The following PTPRD variants were observed in gnomAD, a reference collection of about 807,000 sequenced individuals.
PTPRD encodes the protein protein tyrosine phosphatase receptor type D.
A neutral mutation model predicts 214.5 loss-of-function variants in PTPRD; 34 were observed. The observed-to-expected ratio is 0.16, with a 90% CI of 0.12 to 0.21. The LOEUF (loss-of-function observed/expected upper bound fraction) is 0.21. Ranked by LOEUF, PTPRD falls within the 10% of genes least tolerant of loss-of-function variation. The probability of loss-of-function intolerance (pLI) is 1.00; values close to 1 mark genes in which losing one functional copy is unlikely to be tolerated. For synonymous variants in PTPRD, 1,128 were observed against 845.7 expected (o/e 1.33, Z -5.79); for missense variants, 2,545 against 2,398.7 (o/e 1.06, Z -1.27).
chr9:10,253,659 A>T (rs1428561460), intron 3 of PTPRD, among the ~76,000 whole-genome samples: 1 of 152,180 alleles, frequency 6.6e-6, no homozygotes, highest in Admixed American at 6.5e-5. Context: ...AAGGAAGAAA[A>T]ATCTCTCAGA....
chr9:8,351,406 C>A (rs2075404207), intron 39 of PTPRD, among the ~76,000 whole-genome samples: 1 of 147,258 alleles, frequency 6.8e-6, no homozygotes, highest in South Asian at 2.2e-4. Context: ...TTTTTTGTAG[C>A]TTTTTTTTTT....
chr9:9,751,290 T>C (rs1163459483), intron 6 of PTPRD, among the ~76,000 whole-genome samples: 1 of 152,142 alleles, frequency 6.6e-6, no homozygotes, highest in East Asian at 1.9e-4. Flanking sequence ...TTTAAATCAC[T>C]GCTCAAAGCT....
Position 9,550,381 on chromosome 9 carries a change from TTCTC to T in PTPRD, c.-237+24347_-237+24350del, listed in dbSNP as rs201154719. ...ATATATATTTCTCATATACATATAG[TTCTC>T]TCTCTATATATATGAAATGTATAAT... On this transcript the variant is annotated intron_variant, in intron 8 of 45. Coordinates refer to ENST00000381196, the MANE Select transcript of PTPRD (RefSeq NM_002839.4). 2.7e-5 allele frequency among the ~76,000 whole-genome samples: 4 copies of T among 149,022 alleles called. No homozygotes were observed. The East Asian group carries it at 7.8e-4, about 29-fold the overall frequency.
intron 8 of PTPRD, among the ~76,000 whole-genome samples, chr9:9,481,764 A>T (rs897465124): frequency 5.9e-5 from 9 of 152,122 alleles, no homozygotes; most frequent in African/African-American, 2.2e-4. Flanking sequence ...CCTAGTCAAT[A>T]GAAGAGGGCT....
At chr9:9,207,773 T>C (rs1309300988) in intron 9 of PTPRD, among the ~76,000 whole-genome samples, 1 of 152,058 alleles carries the variant, frequency 6.6e-6, no homozygotes, top group African/African-American at 2.4e-5. Context: ...AATGTAAGAC[T>C]ATTTGTCATA....
intron 11 of PTPRD, among the ~76,000 whole-genome samples, chr9:8,762,964 T>C (rs768329614): frequency 8.5e-5 from 13 of 152,244 alleles, no homozygotes; most frequent in Non-Finnish European, 1.3e-4. Flanking sequence ...GACACTGAAA[T>C]GCCCAGGCCA....
intron 7 of PTPRD, among the ~76,000 whole-genome samples, chr9:9,678,501 T>G (rs1338164195): frequency 6.6e-6 from 1 of 151,790 alleles, no homozygotes; most frequent in East Asian, 1.9e-4. Flanking sequence ...TTTTAAGAGC[T>G]CCTAGAAAAC....
intron 11 of PTPRD, among the ~76,000 whole-genome samples, chr9:8,838,723 TA>T (rs1022026511): frequency 6.6e-6 from 1 of 152,090 alleles, no homozygotes; most frequent in African/African-American, 2.4e-5. Context: ...AGGATAAAAA[TA>T]AATATAATGA....
chr9:10,260,964 ATATATATATGTGTG>A (rs2093651942), intron 3 of PTPRD, among the ~76,000 whole-genome samples: 1 of 147,270 alleles, frequency 6.8e-6, no homozygotes. Context: ...GTGTGTGTGT[ATATATATATGTGTG>A]TATATATATG....
intron 5 of PTPRD, among the ~76,000 whole-genome samples, chr9:9,850,367 T>G (rs2060317083): frequency 6.6e-6 from 1 of 152,086 alleles, no homozygotes; most frequent in African/African-American, 2.4e-5. Context: ...TTCTTGTTAT[T>G]ATTAGTAGTA....
chr9:9,213,962 T>C (rs567309997), intron 9 of PTPRD, among the ~76,000 whole-genome samples: 2,684 of 152,098 alleles, frequency 0.018, 29 homozygotes, highest in Non-Finnish European at 0.027. Context: ...CTTCATCTTC[T>C]TTTTTTTCTT....
intron 4 of PTPRD, among the ~76,000 whole-genome samples, chr9:9,975,305 C>T (rs1003110104): frequency 1.3e-5 from 2 of 152,206 alleles, no homozygotes; most frequent in Non-Finnish European, 2.9e-5. Context: ...ACCAACCCTT[C>T]GTATAGTTTC....
chr9:9,834,581 C>T (rs1010464245), intron 5 of PTPRD, among the ~76,000 whole-genome samples: 3 of 152,040 alleles, frequency 2.0e-5, no homozygotes, highest in Admixed American at 6.6e-5. Context: ...GATTATTTTA[C>T]TGGTCCATCA....
intron 2 of PTPRD, among the ~76,000 whole-genome samples, chr9:10,502,203 T>C (rs1244973251): frequency 1.3e-5 from 2 of 151,650 alleles, no homozygotes. Flanking sequence ...GGAAAACCTA[T>C]TAAAAAGATG....
intron 4 of PTPRD, among the ~76,000 whole-genome samples, chr9:9,944,782 G>C (rs2092304243): frequency 6.6e-6 from 1 of 152,004 alleles, no homozygotes; most frequent in Admixed American, 6.6e-5. Context: ...ATCTAAATTT[G>C]AGTAAGTTAT....
intron 3 of PTPRD, among the ~76,000 whole-genome samples, chr9:10,049,667 T>A (rs1328108100): frequency 2.6e-5 from 4 of 152,218 alleles, no homozygotes; most frequent in Non-Finnish European, 5.9e-5. Context: ...CTGCAGTTTA[T>A]AAGAATCTTC....
chr9:9,340,810 T>C (rs2802287), intron 9 of PTPRD, among the ~76,000 whole-genome samples: 9,376 of 152,248 alleles, frequency 0.062, 942 homozygotes, highest in African/African-American at 0.21. Context: ...ATAAATTTCA[T>C]TGACAAATAA....
chr9:9,382,180 G>C (rs1428088213), intron 9 of PTPRD, among the ~76,000 whole-genome samples: 1 of 151,698 alleles, frequency 6.6e-6, no homozygotes, highest in African/African-American at 2.4e-5. Flanking sequence ...CTTTTTGAAT[G>C]ATTCATTCTT....
intron 10 of PTPRD, among the ~76,000 whole-genome samples, chr9:9,036,179 G>A (rs1386576561): frequency 1.3e-5 from 2 of 149,032 alleles, no homozygotes; most frequent in South Asian, 2.1e-4. Flanking sequence ...GGATAGGATT[G>A]CCCTCCTCAT....
Sources: allele counts gnomAD v4.1 joint callset (sites outside exome capture counted in the v4.1 genomes callset), GRCh38; gene constraint gnomAD v4.1.1; transcripts MANE v1.5; gene names NCBI Gene and HGNC (gene_info 2026-07-23, HGNC 2026-07-21).